STPG2: variants seen among roughly 807,000 people sequenced by gnomAD.
STPG2 encodes the protein sperm-tail PG-rich repeat-containing protein 2.
A neutral mutation model predicts 54.2 loss-of-function variants in STPG2; 56 were observed. The observed-to-expected ratio is 1.03, with a 90% CI of 0.83 to 1.29. STPG2 has a LOEUF of 1.29. Ranked by LOEUF, STPG2 falls within the 50% of genes most tolerant of loss-of-function variation. The pLI is 0.00. For synonymous variants in STPG2, 200 were observed against 181.8 expected (o/e 1.10, Z -0.81); for missense variants, 596 against 544.9 (o/e 1.09, Z -0.93).
chr4:97,848,536 G>C (rs1432292356), intron 8 of STPG2, among the ~76,000 whole-genome samples: 2 of 151,970 alleles, frequency 1.3e-5, no homozygotes, highest in Non-Finnish European at 2.9e-5. Context: ...CATGTTTTTT[G>C]CTGCATCGTA....
intron 9 of STPG2, among the ~76,000 whole-genome samples, chr4:97,736,999 C>G (rs1183152602): frequency 2.6e-5 from 4 of 152,166 alleles, no homozygotes; most frequent in Admixed American, 6.5e-5. Context: ...GCCGGGTACT[C>G]CTCTGAGACA....
At chr4:97,894,435 A>G (rs910376217) in intron 8 of STPG2, among the ~76,000 whole-genome samples, 1 of 151,904 alleles carries the variant, frequency 6.6e-6, no homozygotes, top group Non-Finnish European at 1.5e-5. Context: ...TCCTCGTTTC[A>G]AAAATAGAAG....
intron 10 of STPG2, among the ~76,000 whole-genome samples, chr4:97,589,830 G>A (rs1733092117): frequency 6.6e-6 from 1 of 151,972 alleles, no homozygotes; most frequent in Admixed American, 6.6e-5. Context: ...ATTCTATTTA[G>A]ACACACAAAC....
intron 4 of STPG2, among the ~76,000 whole-genome samples, chr4:97,540,819 G>A (rs1391836947): frequency 2.6e-5 from 4 of 151,958 alleles, no homozygotes; most frequent in Non-Finnish European, 5.9e-5. Context: ...TTCAACATAC[G>A]CAAATCAACA....
At chr4:97,827,381 G>T (rs547723974) in intron 9 of STPG2, among the ~76,000 whole-genome samples, 1 of 151,712 alleles carries the variant, frequency 6.6e-6, no homozygotes, top group African/African-American at 2.4e-5. Flanking sequence ...GACTACAGGC[G>T]CCCACCACCA....
intron 10 of STPG2, among the ~76,000 whole-genome samples, chr4:97,602,161 T>C (rs959295411): frequency 2.6e-5 from 4 of 151,888 alleles, no homozygotes; most frequent in African/African-American, 9.7e-5. Context: ...TTTTTTTCTA[T>C]GTTGTCAACA....
intron 4 of STPG2, among the ~76,000 whole-genome samples, chr4:97,548,842 A>G (rs1731902529): frequency 6.6e-6 from 1 of 152,210 alleles, no homozygotes; most frequent in Non-Finnish European, 1.5e-5. Context: ...TTTATTTACA[A>G]TTTCTGACAT....
chr4:97,688,412 G>C (rs1723263644), intron 10 of STPG2, among the ~76,000 whole-genome samples: 1 of 152,126 alleles, frequency 6.6e-6, no homozygotes, highest in African/African-American at 2.4e-5. Context: ...TGTCACCCAG[G>C]CTGGAGTACA....
At chr4:97,644,806 T>C (rs988886417) in intron 10 of STPG2, among the ~76,000 whole-genome samples, 2 of 152,062 alleles carry the variant, frequency 1.3e-5, no homozygotes, top group Non-Finnish European at 2.9e-5. Flanking sequence ...TCTAGTTTTC[T>C]AAAGCCTCCT....
At chr4:97,918,012 T>G (rs188457575) in intron 8 of STPG2, among the ~76,000 whole-genome samples, 6 of 152,254 alleles carry the variant, frequency 3.9e-5, no homozygotes, top group Admixed American at 3.9e-4. Flanking sequence ...AATGGAGAAC[T>G]CTGCATTTAA....
chr4:98,038,733 T>C (rs1449671319), intron 5 of STPG2, among the ~76,000 whole-genome samples: 1 of 151,430 alleles, frequency 6.6e-6, no homozygotes, highest in Non-Finnish European at 1.5e-5. Flanking sequence ...GTAGAGAAAG[T>C]CCATGAACAA....
At chr4:97,621,327 C>A (rs1478375948) in intron 10 of STPG2, among the ~76,000 whole-genome samples, 1 of 151,858 alleles carries the variant, frequency 6.6e-6, no homozygotes, top group Non-Finnish European at 1.5e-5. Flanking sequence ...TGTAATAAAA[C>A]ATAAAAAGAT....
chr4:97,930,140 A>G (rs1732486990), intron 8 of STPG2, among the ~76,000 whole-genome samples: 1 of 151,860 alleles, frequency 6.6e-6, no homozygotes, highest in African/African-American at 2.4e-5. Context: ...CTCGTAATCT[A>G]CCCACCTCAG....
chr4:97,794,388 C>T (rs1727100976), intron 9 of STPG2, among the ~76,000 whole-genome samples: 1 of 152,012 alleles, frequency 6.6e-6, no homozygotes, highest in Non-Finnish European at 1.5e-5. Flanking sequence ...ATTCAGGTAA[C>T]CAATGCTGAC....
intron 9 of STPG2, among the ~76,000 whole-genome samples, chr4:97,801,494 G>C (rs1727395500): frequency 6.6e-6 from 1 of 152,122 alleles, no homozygotes; most frequent in Non-Finnish European, 1.5e-5. Flanking sequence ...TGAAGAACTT[G>C]CACAACGATT....
At chr4:98,042,534 A>C (rs751349145) in intron 5 of STPG2, among the ~76,000 whole-genome samples, 12 of 151,628 alleles carry the variant, frequency 7.9e-5, no homozygotes, top group Admixed American at 3.3e-4. Context: ...ATTTTTATTC[A>C]TTTCAAAAAA....
intron 8 of STPG2, among the ~76,000 whole-genome samples, chr4:97,926,655 C>T (rs927928316): frequency 7.9e-5 from 12 of 152,054 alleles, no homozygotes; most frequent in Admixed American, 7.2e-4. Flanking sequence ...CTCTGCAAGA[C>T]AAAGGAGCTT....
Position 97,865,262 on chromosome 4 carries a change from C to T in STPG2, c.1045-24330G>A, listed in dbSNP as rs1729723880. 4.6e-5 allele frequency among the ~76,000 whole-genome samples: 7 copies of T among 151,940 alleles called. 1 individual carries two copies. The South Asian group carries it at 1.5e-3, about 31-fold the overall frequency. ...AATTTACAAGAAAAAAACAAACAACCCCATCAAAAAGTGGACAAAGGATAT... is the reference window on the plus strand; with the variant it reads ...AATTTACAAGAAAAAAACAAACAACTCCATCAAAAAGTGGACAAAGGATAT... On this transcript the variant is annotated intron_variant, in intron 8 of 10. Transcript: ENST00000295268.
At chr4:97,501,293 A>G (rs1322421347) in intron 4 of STPG2, among the ~76,000 whole-genome samples, 1 of 152,120 alleles carries the variant, frequency 6.6e-6, no homozygotes, top group East Asian at 1.9e-4. Context: ...ACAAGATCTG[A>G]GCCAAGCTGC....
Sources: gnomAD v4.1 joint callset for allele counts (sites outside exome capture counted in the v4.1 genomes callset) on GRCh38, gnomAD v4.1.1 for gene constraint, MANE v1.5 for transcripts, NCBI Gene and HGNC (gene_info 2026-07-23, HGNC 2026-07-21) for gene names.